The following CELF4 variants were observed in gnomAD, a reference collection of about 807,000 sequenced individuals.
CELF4 encodes the protein CUG-BP- and ETR-3-like factor 4.
A neutral mutation model predicts 59.9 loss-of-function variants in CELF4; 18 were observed. The ratio of observed to expected loss-of-function variants is 0.30; its 90% CI spans 0.21 to 0.45. The LOEUF (loss-of-function observed/expected upper bound fraction) is 0.45, where lower values mean the gene tolerates loss of function less well. CELF4 is among the 20% of genes least tolerant of loss of function. The pLI is 1.00. For synonymous variants in CELF4, 261 were observed against 267.1 expected (o/e 0.98, Z 0.22); for missense variants, 456 against 689.0 (o/e 0.66, Z 3.79).
intron 2 of CELF4, among the ~76,000 whole-genome samples, chr18:37,471,627 C>A (rs538710825): frequency 6.6e-6 from 1 of 152,220 alleles, no homozygotes; most frequent in East Asian, 2.0e-4. Context: ...CGCTCCCAAA[C>A]CACTCCCAGC....
intron 2 of CELF4, among the ~76,000 whole-genome samples, chr18:37,457,343 C>T (rs151190847): frequency 2.0e-3 from 298 of 152,282 alleles, no homozygotes; most frequent in African/African-American, 6.9e-3. Flanking sequence ...ATATCCCAGT[C>T]CTCCTGAAAG....
At chr18:37,523,807 A>G (rs1161721341) in intron 1 of CELF4, among the ~76,000 whole-genome samples, 2 of 152,178 alleles carry the variant, frequency 1.3e-5, no homozygotes, top group Non-Finnish European at 2.9e-5. Context: ...TCTTTAATAA[A>G]CAGCTGCTGA....
intron 1 of CELF4, among the ~76,000 whole-genome samples, chr18:37,497,651 C>CAA (rs58015103): frequency 0.013 from 1,477 of 118,158 alleles, 19 homozygotes; most frequent in African/African-American, 0.041. Context: ...GACTCTGTCT[C>CAA]AAAAAAAAAA....
chr18:37,528,060 G>A (rs1199056709), intron 1 of CELF4, among the ~76,000 whole-genome samples: 5 of 152,186 alleles, frequency 3.3e-5, no homozygotes, highest in African/African-American at 1.2e-4. Context: ...GTTTGCAGGT[G>A]AGGAAACTGA....
chr18:37,431,714 A>G (rs752447030), intron 2 of CELF4, among the ~76,000 whole-genome samples: 6 of 152,122 alleles, frequency 3.9e-5, no homozygotes, highest in Non-Finnish European at 8.8e-5. Context: ...AGCCACAGTC[A>G]CCATATTAAA....
chr18:37,393,888 C>A (rs1425216948), intron 2 of CELF4, among the ~76,000 whole-genome samples: 3 of 145,478 alleles, frequency 2.1e-5, no homozygotes, highest in South Asian at 2.2e-4. Context: ...TAAGCAACAC[C>A]AATAATTCCA....
chr18:37,282,816 C>T (rs1461202390), intron 3 of CELF4, among the ~76,000 whole-genome samples: 2 of 152,158 alleles, frequency 1.3e-5, no homozygotes, highest in East Asian at 1.9e-4. Flanking sequence ...AGGGTCACCA[C>T]GGGCCAGGTC....
Position 37,243,975 on chromosome 18 carries a change from G to T in CELF4, c.*1267C>A. ...CCGACCGACGGCGTGGCCTCCACCG[G>T]CGTCGGCAGCCAGGCGCCCGCAGGT... On this transcript the variant is annotated 3_prime_UTR_variant, in exon 13 of 13. Coordinates refer to ENST00000420428, the MANE Select transcript of CELF4 (RefSeq NM_020180.4). 5.9e-6 allele frequency: 1 copy of T among 169,226 alleles called. No homozygotes were observed. Among genetic ancestry groups the T allele is most frequent in the Non-Finnish European group, 1.3e-5 (1 of 78,122 alleles). 10.5% of individuals were successfully genotyped at this position (169,226 alleles called of 1,614,324 possible).
At chr18:37,498,841 G>C (rs150981874) in intron 1 of CELF4, among the ~76,000 whole-genome samples, 3 of 152,090 alleles carry the variant, frequency 2.0e-5, no homozygotes, top group Non-Finnish European at 4.4e-5. Flanking sequence ...GGAGCCCTGG[G>C]GTAGTTTACA....
rs751217491 is a variant in CELF4 at position 37,342,993 on chromosome 18, C to T, written c.370-21112G>A. Among the ~76,000 whole-genome samples the T allele has an allele frequency of 5.3e-5, 8 of 152,264 alleles. 1 individual carries two copies. The South Asian group carries it at 1.7e-3, about 32-fold the overall frequency. ...CCACTGAGCCATTCCCGTCCTTACA[C>T]TGAAGGAGGAGATCCTGGAAATGAA... On this transcript the variant is annotated intron_variant, in intron 2 of 12. Transcript: ENST00000420428.
chr18:37,521,578 T>C lies in CELF4; in HGVS notation c.287-35971A>G, dbSNP rs552808097. On this transcript the variant is annotated intron_variant, in intron 1 of 12. Coordinates refer to ENST00000420428, the MANE Select transcript of CELF4 (RefSeq NM_020180.4). ...GGAGTATAAGGTGAAATTGACAACA[T>C]ACATTTTGACAGCTTATCTATAATA... Among the ~76,000 whole-genome samples the C allele has an allele frequency of 4.6e-5, 7 of 152,302 alleles. No homozygotes were observed. The East Asian group carries it at 7.7e-4, about 17-fold the overall frequency.
chr18:37,425,404 A>G (rs1429378123), intron 2 of CELF4, among the ~76,000 whole-genome samples: 1 of 152,246 alleles, frequency 6.6e-6, no homozygotes, highest in Non-Finnish European at 1.5e-5. Context: ...AGCCAGCTGC[A>G]GGGAGGGTGC....
chr18:37,554,878 C>T (rs1051162849), intron 1 of CELF4, among the ~76,000 whole-genome samples: 1 of 152,172 alleles, frequency 6.6e-6, no homozygotes, highest in East Asian at 1.9e-4. Flanking sequence ...CAAGCCTTCC[C>T]TTGGAAGGAT....
At chr18:37,285,434 G>T (rs1440720252) in intron 3 of CELF4, among the ~76,000 whole-genome samples, 1 of 152,258 alleles carries the variant, frequency 6.6e-6, no homozygotes, top group Non-Finnish European at 1.5e-5. Flanking sequence ...CTGGGCAGAG[G>T]TGTGGCACCT....
At chr18:37,558,008 T>TTTC (rs1187497147) in intron 1 of CELF4, among the ~76,000 whole-genome samples, 3 of 144,732 alleles carry the variant, frequency 2.1e-5, no homozygotes, top group African/African-American at 7.6e-5. Context: ...TTTTTTTTTT[T>TTTC]TTTTTTTTTT....
intron 2 of CELF4, among the ~76,000 whole-genome samples, chr18:37,404,493 C>T (rs2099361470): frequency 6.6e-6 from 1 of 152,180 alleles, no homozygotes; most frequent in African/African-American, 2.4e-5. Context: ...AACAGGAGTC[C>T]AGGCCCTGCC....
At chr18:37,295,282 CA>C (rs2095575491) in intron 3 of CELF4, among the ~76,000 whole-genome samples, 1 of 152,236 alleles carries the variant, frequency 6.6e-6, no homozygotes, top group East Asian at 1.9e-4. Context: ...ATCCAGTGGT[CA>C]CTGGTGCCAA....
intron 2 of CELF4, among the ~76,000 whole-genome samples, chr18:37,456,650 C>T (rs2099779253): frequency 6.6e-6 from 1 of 152,108 alleles, no homozygotes; most frequent in Non-Finnish European, 1.5e-5. Context: ...TCTTCTTAGC[C>T]CCCATTTATA....
chr18:37,362,139 C>T (rs759364161), intron 2 of CELF4, among the ~76,000 whole-genome samples: 1 of 152,108 alleles, frequency 6.6e-6, no homozygotes, highest in Non-Finnish European at 1.5e-5. Flanking sequence ...CCCAGCCCTG[C>T]AGTCACCCTG....
Sources: allele counts gnomAD v4.1 joint callset (sites outside exome capture counted in the v4.1 genomes callset), GRCh38; gene constraint gnomAD v4.1.1; transcripts MANE v1.5; gene names NCBI Gene and HGNC (gene_info 2026-07-23, HGNC 2026-07-21).